LIN7A: variants seen among roughly 807,000 people sequenced by gnomAD.
LIN7A encodes the protein lin-7 cell polarity scaffold A.
LIN7A carries 25 observed loss-of-function variants against 29.8 expected under a neutral mutation model. The ratio of observed to expected loss-of-function variants is 0.84; its 90% CI spans 0.61 to 1.17. The LOEUF (loss-of-function observed/expected upper bound fraction) is 1.17. Ranked by LOEUF, LIN7A falls within the 50% of genes most tolerant of loss-of-function variation. LIN7A has a pLI of 0.00. For synonymous variants in LIN7A, 118 were observed against 107.5 expected (o/e 1.10, Z -0.60); for missense variants, 239 against 287.0 (o/e 0.83, Z 1.21).
At chr12:80,801,537 CATTTGTGATGTACAA>C (rs1220990605) in intron 5 of LIN7A, among the ~76,000 whole-genome samples, 3 of 152,090 alleles carry the variant, frequency 2.0e-5, no homozygotes, top group South Asian at 2.1e-4. Context: ...TAATTGTATA[CATTTGTGATGTACAA>C]ATTTGTGATG....
At chr12:80,837,624 G>T (rs1398351350) in intron 4 of LIN7A, among the ~76,000 whole-genome samples, 3 of 152,138 alleles carry the variant, frequency 2.0e-5, no homozygotes, top group Non-Finnish European at 4.4e-5. Flanking sequence ...GGCTTCCAGG[G>T]CTGTGAGATA....
intron 2 of LIN7A, among the ~76,000 whole-genome samples, chr12:80,864,998 G>A (rs1874066299): frequency 6.6e-6 from 1 of 152,156 alleles, no homozygotes; most frequent in Non-Finnish European, 1.5e-5. Context: ...ATCAATTCAT[G>A]TAAATGCAAA....
At chr12:80,902,985 T>C (rs1187892041) in intron 1 of LIN7A, among the ~76,000 whole-genome samples, 1 of 151,566 alleles carries the variant, frequency 6.6e-6, no homozygotes, top group Non-Finnish European at 1.5e-5. Context: ...CATGATGTTG[T>C]TTGTGGGTTT....
chr12:80,893,974 G>A (rs538620628), intron 1 of LIN7A, among the ~76,000 whole-genome samples: 1 of 152,138 alleles, frequency 6.6e-6, no homozygotes, highest in Non-Finnish European at 1.5e-5. Context: ...TAGCCGTTTT[G>A]GAAACAAATA....
In LIN7A at chr12:80,811,698, A is replaced by T; in HGVS notation, c.484-15T>A. On this transcript the variant is annotated splice_polypyrimidine_tract_variant and intron_variant, in intron 4 of 5. Coordinates refer to ENST00000552864, the MANE Select transcript of LIN7A (RefSeq NM_004664.4). ...CCTTCCACACTCTGAAAATACAATG[A>T]CACTTCTTAAAGGGAGGAGGTTCAA... The T allele has an allele frequency of 6.9e-6, 11 of 1,593,056 alleles. No individual in the cohort carries two copies. The highest frequency in any genetic ancestry group is 9.5e-6 in the Non-Finnish European group (11 of 1,162,788).
At position 80,877,923 on chromosome 12, in the gene LIN7A, C is replaced by G. The variant is rs181311805; in HGVS notation, c.201+11328G>C. On this transcript the variant is annotated intron_variant, in intron 2 of 5. Transcript: ENST00000552864. ...GTGCCAAAAATAGAAGTTCTGATTT[C>G]CAGTCCTGTGATCTCAACAGAAGAC... Among the ~76,000 whole-genome samples the G allele has an allele frequency of 9.0e-3, 1,362 of 151,204 alleles. 11 individuals carry two copies. The highest frequency in any genetic ancestry group is 0.014 in the Non-Finnish European group (966 of 67,918).
chr12:80,820,299 T>A lies in LIN7A; in HGVS notation c.484-8616A>T, dbSNP rs1306432950. 2.0e-5 allele frequency among the ~76,000 whole-genome samples: 3 copies of A among 152,178 alleles called. No individual in the cohort carries two copies. In the East Asian group the frequency reaches 5.8e-4, roughly 29 times the overall value. ...ATGGAAAAAAAAGTGTATATAATTATACATATTCTTATCCTGTGAGAGCAG... is the reference window on the plus strand; with the variant it reads ...ATGGAAAAAAAAGTGTATATAATTAAACATATTCTTATCCTGTGAGAGCAG... On this transcript the variant is annotated intron_variant, in intron 4 of 5. Transcript: ENST00000552864.
intron 4 of LIN7A, among the ~76,000 whole-genome samples, chr12:80,840,176 G>A (rs532834618): frequency 1.3e-5 from 2 of 152,206 alleles, no homozygotes; most frequent in African/African-American, 4.8e-5. Flanking sequence ...ATAGATTTAA[G>A]AGAAGTTGAA....
chr12:80,919,899 G>A (rs568983847), intron 1 of LIN7A, among the ~76,000 whole-genome samples: 1 of 151,954 alleles, frequency 6.6e-6, no homozygotes, highest in Middle Eastern at 3.2e-3. Context: ...CCACCACCAA[G>A]CTCATTCACT....
intron 1 of LIN7A, among the ~76,000 whole-genome samples, chr12:80,913,240 T>A (rs1278548074): frequency 6.6e-6 from 1 of 152,240 alleles, no homozygotes; most frequent in African/African-American, 2.4e-5. Context: ...TAGATCTAAT[T>A]ATGCAAAGGA....
At chr12:80,873,494 C>T (rs1306853265) in intron 2 of LIN7A, among the ~76,000 whole-genome samples, 1 of 150,126 alleles carries the variant, frequency 6.7e-6, no homozygotes, top group African/African-American at 2.5e-5. Flanking sequence ...GATGACACCA[C>T]TGCACTCCAG....
At chr12:80,931,628 A>G (rs1366256496) in intron 1 of LIN7A, among the ~76,000 whole-genome samples, 1 of 143,022 alleles carries the variant, frequency 7.0e-6, no homozygotes, top group Non-Finnish European at 1.5e-5. Context: ...ACAGGGCAAG[A>G]CTCTGTCAAA....
At chr12:80,838,370 C>T (rs149999975) in intron 4 of LIN7A, among the ~76,000 whole-genome samples, 33 of 152,216 alleles carry the variant, frequency 2.2e-4, no homozygotes, top group South Asian at 4.1e-4. Flanking sequence ...TGAGATAGCA[C>T]GATATTTCCC....
chr12:80,875,940 C>T (rs901922606), intron 2 of LIN7A, among the ~76,000 whole-genome samples: 2 of 151,976 alleles, frequency 1.3e-5, no homozygotes, highest in Admixed American at 6.6e-5. Flanking sequence ...ATTTTTGCCC[C>T]CTTTGGATCT....
At chr12:80,829,170 C>T (rs1469901837) in intron 4 of LIN7A, among the ~76,000 whole-genome samples, 1 of 152,014 alleles carries the variant, frequency 6.6e-6, no homozygotes, top group Non-Finnish European at 1.5e-5. Context: ...ATAAGTCCCC[C>T]AAAACAAAAG....
rs1013642069 is a variant in LIN7A at position 80,796,039 on chromosome 12, G to A, written c.*1688C>T. ...TCTGGTGAGGGATGCATTGTGAAGA[G>A]CAGGGAAAACCTGGTATTGACAATA... On this transcript the variant is annotated 3_prime_UTR_variant, in exon 6 of 6. Transcript: ENST00000552864. 1 of 152,160 alleles carries A rather than the reference G, an allele frequency of 6.6e-6. No homozygotes were observed. Among genetic ancestry groups the A allele is most frequent in the Non-Finnish European group, 1.5e-5 (1 of 68,002 alleles). 9.4% of individuals were successfully genotyped at this position (152,160 alleles called of 1,614,324 possible). A position where few individuals can be genotyped will look rare whatever the true frequency, so the allele number is the denominator to read the frequency against.
At chr12:80,912,961 A>T in intron 1 of LIN7A, among the ~76,000 whole-genome samples, 1 of 152,288 alleles carries the variant, frequency 6.6e-6, no homozygotes, top group South Asian at 2.1e-4. Flanking sequence ...AAATGTTCAG[A>T]ATTTATTGTT....
chr12:80,812,970 C>T (rs1039721628), intron 4 of LIN7A, among the ~76,000 whole-genome samples: 3 of 152,118 alleles, frequency 2.0e-5, no homozygotes, highest in Admixed American at 2.0e-4. Context: ...TTCAAACTCC[C>T]TAGTAATCAA....
intron 5 of LIN7A, among the ~76,000 whole-genome samples, chr12:80,810,690 A>C (rs549419769): frequency 1.3e-5 from 2 of 152,262 alleles, no homozygotes; most frequent in Non-Finnish European, 2.9e-5. Flanking sequence ...TGGCTGTAGC[A>C]ATTTATATTC....
Sources: allele counts gnomAD v4.1 joint callset (sites outside exome capture counted in the v4.1 genomes callset), GRCh38; gene constraint gnomAD v4.1.1; transcripts MANE v1.5; gene names NCBI Gene and HGNC (gene_info 2026-07-23, HGNC 2026-07-21).